ACAP2: variants seen among roughly 807,000 people sequenced by gnomAD.
ACAP2 encodes the protein arf-GAP with coiled-coil, ANK repeat and PH domain-containing protein 2.
ACAP2 carries 39 observed loss-of-function variants against 115.8 expected under a neutral mutation model. The observed-to-expected ratio is 0.34, with a 90% CI of 0.26 to 0.44. The LOEUF is 0.44. Ranked by LOEUF, ACAP2 falls within the 20% of genes least tolerant of loss-of-function variation. The pLI, the probability that ACAP2 is intolerant of heterozygous loss-of-function variation, is 1.00. For missense variants in ACAP2, 662 were observed against 927.6 expected (o/e 0.71, Z 3.72); for synonymous variants, 289 against 315.8 (o/e 0.92, Z 0.90).
intron 8 of ACAP2, among the ~76,000 whole-genome samples, chr3:195,330,186 C>T (rs911103781): frequency 4.6e-5 from 7 of 152,146 alleles, no homozygotes; most frequent in Admixed American, 2.0e-4. Context: ...AGCATGAATT[C>T]GTCACGCCCT....
At chr3:195,347,285 C>A (rs866881347) in intron 4 of ACAP2, among the ~76,000 whole-genome samples, 4 of 152,020 alleles carry the variant, frequency 2.6e-5, no homozygotes, top group Admixed American at 6.6e-5. Flanking sequence ...GGAACACTAA[C>A]AACATTTAAG....
chr3:195,279,304 A>G lies in ACAP2; in HGVS notation c.*24T>C, dbSNP rs1447619781. The G allele has an allele frequency of 6.6e-6, 10 of 1,524,400 alleles. No homozygotes were observed. Among genetic ancestry groups the G allele is most frequent in the African/African-American group, 1.4e-5 (1 of 72,234 alleles). 94.4% of individuals were successfully genotyped at this position (1,524,400 alleles called of 1,614,324 possible). ...ATACATTAGGGGGTCACCAGATTTC[A>G]TATTTTCCCATTTTTAAAAAAATTC... On this transcript the variant is annotated 3_prime_UTR_variant, in exon 23 of 23. Transcript: ENST00000326793.
chr3:195,305,541 G>T (rs1468331183), intron 13 of ACAP2, among the ~76,000 whole-genome samples: 1 of 152,100 alleles, frequency 6.6e-6, no homozygotes, highest in Non-Finnish European at 1.5e-5. Context: ...AAGCCAAGAA[G>T]GAGAAAGATA....
intron 4 of ACAP2, chr3:195,356,296 G>A: frequency 2.4e-6 from 1 of 415,696 alleles, no homozygotes; most frequent in Admixed American, 2.6e-5. Flanking sequence ...ACCAGCCCCA[G>A]GGACAGGACA....
At chr3:195,362,901 A>G (rs1055100235) in intron 4 of ACAP2, among the ~76,000 whole-genome samples, 2 of 152,240 alleles carry the variant, frequency 1.3e-5, no homozygotes, top group Admixed American at 6.5e-5. Context: ...CTGGAAGAAG[A>G]CAAGGATGCC....
Position 195,398,490 on chromosome 3 carries a change from C to T in ACAP2, c.54-6343G>A, listed in dbSNP as rs183306105. On this transcript the variant is annotated intron_variant, in intron 1 of 22. Transcript: ENST00000326793. ...TGAAACCCTGTCTCTACTAAAAATG[C>T]GCCAGGCATGGTGGCGCATGCCTGT... Among the ~76,000 whole-genome samples, 57 of 151,552 alleles carry T rather than the reference C, an allele frequency of 3.8e-4. 1 individual carries two copies. Among genetic ancestry groups the T allele is most frequent in the African/African-American group, 1.3e-3 (53 of 41,336 alleles).
At chr3:195,414,319 G>C (rs564605863) in intron 1 of ACAP2, among the ~76,000 whole-genome samples, 148 of 152,276 alleles carry the variant, frequency 9.7e-4, no homozygotes, top group African/African-American at 3.4e-3. Context: ...ATGTTGTGCA[G>C]GATGGTCTCG....
chr3:195,379,049 C>T (rs1226127552), intron 4 of ACAP2, among the ~76,000 whole-genome samples: 1 of 151,900 alleles, frequency 6.6e-6, no homozygotes, highest in East Asian at 1.9e-4. Context: ...TGTCAATTTA[C>T]AGTCAATCAC....
chr3:195,406,796 C>T (rs1314695715), intron 1 of ACAP2, among the ~76,000 whole-genome samples: 1 of 152,128 alleles, frequency 6.6e-6, no homozygotes, highest in South Asian at 2.1e-4. Context: ...TAGTCATGAA[C>T]TTACCTTCAT....
chr3:195,335,895 T>TA (rs2108635103), intron 7 of ACAP2: 1 of 79,658 alleles, frequency 1.3e-5, no homozygotes, highest in African/African-American at 4.9e-5. Context: ...TCGTTGGCTT[T>TA]TTTTTTTTTT....
At chr3:195,431,199 A>G (rs757532848) in intron 1 of ACAP2, among the ~76,000 whole-genome samples, 7 of 152,198 alleles carry the variant, frequency 4.6e-5, no homozygotes, top group Non-Finnish European at 1.0e-4. Flanking sequence ...CATCCATATT[A>G]TGGCATATAA....
In ACAP2 at chr3:195,442,833, C is replaced by T. The variant is rs1468081028; in HGVS notation, c.15G>A (p.Val5=). 2 of 1,527,758 alleles carry T rather than the reference C, an allele frequency of 1.3e-6. No individual in the cohort carries two copies. Among genetic ancestry groups the T allele is most frequent in the Non-Finnish European group, 1.8e-6 (2 of 1,137,558 alleles). The allele number at this position is 1,527,758 out of a possible 1,614,324, so 94.6% of individuals were successfully genotyped here. ...AGTCCTTCAGACACTCCTCGAAATCCACAGTCATCTTCATCCTGCCTCCGC... is the reference window on the plus strand; with the variant it reads ...AGTCCTTCAGACACTCCTCGAAATCTACAGTCATCTTCATCCTGCCTCCGC... The part of the protein sequence containing the change: MKMT[V]DFEECLKDSP... Residue 5 remains valine (V), a synonymous_variant, in exon 1 of 23, where the codon GTG becomes GTA. Coordinates refer to ENST00000326793, the MANE Select transcript of ACAP2 (RefSeq NM_012287.6).
chr3:195,288,444 T>C (rs1416684504), intron 21 of ACAP2, among the ~76,000 whole-genome samples: 1 of 152,196 alleles, frequency 6.6e-6, no homozygotes, highest in Non-Finnish European at 1.5e-5. Flanking sequence ...CACAATGCTC[T>C]GTTAGCACTG....
intron 4 of ACAP2, among the ~76,000 whole-genome samples, chr3:195,363,935 C>A (rs1343297756): frequency 6.6e-6 from 1 of 152,180 alleles, no homozygotes; most frequent in African/African-American, 2.4e-5. Context: ...AGAGCCCTAT[C>A]TCTTGCCATA....
Position 195,279,287 on chromosome 3 carries a change from G to C in ACAP2, c.*41C>G. 1 of 1,386,614 alleles carries C rather than the reference G, an allele frequency of 7.2e-7. No homozygotes were observed. Among genetic ancestry groups the C allele is most frequent in the Non-Finnish European group, 1.0e-6 (1 of 985,712 alleles). The allele number at this position is 1,386,614 out of a possible 1,614,324, so 85.9% of individuals were successfully genotyped here. A position where few individuals can be genotyped will look rare whatever the true frequency, so the allele number is the denominator to read the frequency against. ...TGTGATTTTTTAGCTGTATACATTAGGGGGTCACCAGATTTCATATTTTCC... is the reference window on the plus strand; with the variant it reads ...TGTGATTTTTTAGCTGTATACATTACGGGGTCACCAGATTTCATATTTTCC... On this transcript the variant is annotated 3_prime_UTR_variant, in exon 23 of 23. Transcript: ENST00000326793.
chr3:195,279,461 T>C, intron 22 of ACAP2, 33 bp from the exon 23 acceptor site: 1 of 1,329,040 alleles, frequency 7.5e-7, no homozygotes. Context: ...ACTTTAAACA[T>C]TTACACAAGT....
chr3:195,275,162 C>T lies in ACAP2; in HGVS notation c.*4166G>A, dbSNP rs1027532643. 1 of 152,328 alleles carries T rather than the reference C, an allele frequency of 6.6e-6. No individual in the cohort carries two copies. The highest frequency in any genetic ancestry group is 2.4e-5 in the African/African-American group (1 of 41,358). 9.4% of individuals were successfully genotyped at this position (152,328 alleles called of 1,614,324 possible). A position where few individuals can be genotyped will look rare whatever the true frequency, so the allele number is the denominator to read the frequency against. On this transcript the variant is annotated 3_prime_UTR_variant, in exon 23 of 23. Coordinates refer to ENST00000326793, the MANE Select transcript of ACAP2 (RefSeq NM_012287.6). ...TAGCAAGCTTTCCCTGTTTAATATC[C>T]AAAAAATGGAGGGTGGGGAGGTTGA...
chr3:195,425,649 T>C (rs1714627173), intron 1 of ACAP2, among the ~76,000 whole-genome samples: 1 of 152,168 alleles, frequency 6.6e-6, no homozygotes, highest in Admixed American at 6.5e-5. Context: ...GTCTACTAGG[T>C]GTCTCAAACT....
chr3:195,370,674 G>A (rs964300367), intron 4 of ACAP2, among the ~76,000 whole-genome samples: 2 of 152,168 alleles, frequency 1.3e-5, no homozygotes, highest in African/African-American at 4.8e-5. Context: ...GTCTGGGCCA[G>A]GTGTGGTGAC....
Sources: gnomAD v4.1 joint callset for allele counts (sites outside exome capture counted in the v4.1 genomes callset) on GRCh38, gnomAD v4.1.1 for gene constraint, MANE v1.5 for transcripts, NCBI Gene and HGNC (gene_info 2026-07-23, HGNC 2026-07-21) for gene names.